ZNF835: variants seen among roughly 807,000 people sequenced by gnomAD.
ZNF835 encodes zinc finger protein 835.
For missense variants in ZNF835, 783 were observed against 758.4 expected, an observed-to-expected ratio of 1.03 and a Z score of -0.38; for synonymous variants, 323 against 324.7, an observed-to-expected ratio of 0.99 and a Z score of 0.06.
At chr19:56,667,994 G>GTTTGT (rs918959146) in intron 1 of ZNF835, among the ~76,000 whole-genome samples, 24 of 152,104 alleles carry the variant, frequency 1.6e-4, no homozygotes, top group African/African-American at 5.1e-4. Context: ...TTTTTTGTTT[G>GTTTGT]TTTGTTTTGT....
At chr19:56,670,971 A>G (rs956437123) in intron 1 of ZNF835, among the ~76,000 whole-genome samples, 14 of 152,258 alleles carry the variant, frequency 9.2e-5, no homozygotes, top group Non-Finnish European at 1.3e-4. Context: ...CGAGCACATA[A>G]CACACCGATA....
chr19:56,663,760 C>T lies in ZNF835; in HGVS notation c.1439G>A (p.Gly480Glu). ...GEKPYECSGC[G>E]KAFSFSSALI... ...CGCGGAGGAGAAGCTGAAGGCCTTC[C>T]CGCAGCCGCTGCACTCGTAGGGCTT... Residue 480 changes from glycine to glutamate, a missense_variant, in exon 2 of 2, where the codon GGG (glycine) becomes GAG (glutamate). Transcript: ENST00000537055. The T allele has an allele frequency of 6.2e-7, 1 of 1,613,918 alleles. No homozygotes were observed. Among genetic ancestry groups the T allele is most frequent in the Non-Finnish European group, 8.5e-7 (1 of 1,179,870 alleles).
In ZNF835 at chr19:56,663,618, A is replaced by C; in HGVS notation, c.1581T>G (p.Pro527=). ...CTGCTGGTCCACGCGGGTTTCTGCC[A>C]GGGCACCCCTGTTGACAGGTTTCTC... The part of the protein sequence containing the change: ...QGGETCQQGC[P]GRNPRGPAED Residue 527 remains proline, a synonymous_variant, in exon 2 of 2, where the codon CCT becomes CCG. Transcript: ENST00000537055. 6.2e-7 allele frequency: 1 copy of C among 1,614,040 alleles called. No individual in the cohort carries two copies. The highest frequency in any genetic ancestry group is 8.5e-7 in the Non-Finnish European group (1 of 1,179,898).
Position 56,664,898 on chromosome 19 carries a change from C to T in ZNF835, c.301G>A (p.Glu101Lys). 1 of 1,613,932 alleles carries T rather than the reference C, an allele frequency of 6.2e-7. No homozygotes were observed. Among genetic ancestry groups the T allele is most frequent in the South Asian group, 1.1e-5 (1 of 91,062 alleles). ...KERHPDSRQR[E>K]RGGGPKKPWK... ...GGCTTCTTGGGGCCTCCACCTCTCTCCCGCTGGCGGCTGTCAGGATGCCTC... is the reference window on the plus strand; with the variant it reads ...GGCTTCTTGGGGCCTCCACCTCTCTTCCGCTGGCGGCTGTCAGGATGCCTC... The change falls in exon 2 of 2, where the codon GAG becomes AAG. Residue 101 changes from glutamate (E) to lysine (K), a missense_variant. Glu to Lys is a moderately conservative substitution (Grantham distance 56). Coordinates refer to ENST00000537055, the MANE Select transcript of ZNF835 (RefSeq NM_001005850.3).
Position 56,665,060 on chromosome 19 carries a change from C to A in ZNF835, c.139G>T (p.Ala47Ser). 1.2e-6 allele frequency: 2 copies of A among 1,614,014 alleles called. No homozygotes were observed. Residue 47 changes from alanine (A) to serine (S), a missense_variant, in exon 2 of 2, where the codon GCT becomes TCT. Physicochemically the swap from Ala to Ser is moderately conservative, Grantham distance 99. Coordinates refer to ENST00000537055, the MANE Select transcript of ZNF835 (RefSeq NM_001005850.3). ...TCGCGTTCCTGCATGCTGTCCCCAG[C>A]AGGGTCTCCCTTGCAGGCCACGGCC... ...PEAVACKGDPAGDSMQERDEF... is the reference protein window; with the variant it reads ...PEAVACKGDPSGDSMQERDEF...
rs1038585061 is a variant in ZNF835, at chr19:56,670,428, G to A, written c.-48+1148C>T. On this transcript the variant is annotated intron_variant, in intron 1 of 1. Transcript: ENST00000537055. Reference sequence around the variant, plus strand: ...CAGAGACACCCAAACCCATATCCAGGGACACACAGTCGCCCTCCTAACCCC... The same window carrying A: ...CAGAGACACCCAAACCCATATCCAGAGACACACAGTCGCCCTCCTAACCCC... 3.9e-5 allele frequency among the ~76,000 whole-genome samples: 6 copies of A among 152,020 alleles called. No individual in the cohort carries two copies. In the East Asian group the frequency reaches 1.2e-3, roughly 29 times the overall value.
intron 1 of ZNF835, among the ~76,000 whole-genome samples, chr19:56,666,117 G>GTT (rs1555779851): frequency 8.7e-5 from 13 of 150,164 alleles, no homozygotes; most frequent in African/African-American, 3.0e-4. Context: ...CAATGGGACT[G>GTT]TTTTATTTTT....
Position 56,663,703 on chromosome 19 carries a change from C to T in ZNF835, c.1496G>A (p.Ser499Asn), listed in dbSNP as rs917684351. The T allele has an allele frequency of 6.2e-7, 1 of 1,614,022 alleles. No homozygotes were observed. Among genetic ancestry groups the T allele is most frequent in the Admixed American group, 1.7e-5 (1 of 60,032 alleles). Reference protein sequence around the residue: ...LIRHQRTHADSSGRLCPAPTP... With the variant: ...LIRHQRTHADNSGRLCPAPTP... ...GGGAGCTGGGCAAAGGCGTCCCGAACTGTCTGCATGCGTCCTCTGGTGTCG... is the reference window on the plus strand; with the variant it reads ...GGGAGCTGGGCAAAGGCGTCCCGAATTGTCTGCATGCGTCCTCTGGTGTCG... The change falls in exon 2 of 2, where the codon AGT (serine) becomes AAT (asparagine). Residue 499 changes from serine to asparagine, a missense_variant. Coordinates refer to ENST00000537055, the MANE Select transcript of ZNF835 (RefSeq NM_001005850.3).
chr19:56,665,965 C>T (rs2045241496), intron 1 of ZNF835, among the ~76,000 whole-genome samples: 1 of 152,058 alleles, frequency 6.6e-6, no homozygotes, highest in East Asian at 1.9e-4. Context: ...AAAATATGGC[C>T]CTGTAATCTG....
chr19:56,665,510 C>T (rs753825724), intron 1 of ZNF835: 4 of 600,330 alleles, frequency 6.7e-6, no homozygotes, highest in African/African-American at 1.8e-5. Context: ...GTCTCCAGGC[C>T]GGACGTGGTG....
chr19:56,666,649 GTTTTC>G (rs1446657938), intron 1 of ZNF835, among the ~76,000 whole-genome samples: 1 of 152,198 alleles, frequency 6.6e-6, no homozygotes, highest in East Asian at 1.9e-4. Context: ...TGGAAAGACA[GTTTTC>G]TTTTCTGGGG....
chr19:56,670,525 C>T (rs1289929391), intron 1 of ZNF835, among the ~76,000 whole-genome samples: 1 of 152,086 alleles, frequency 6.6e-6, no homozygotes, highest in Non-Finnish European at 1.5e-5. Context: ...CCCGGGCACA[C>T]GTAGCTACAC....
intron 1 of ZNF835, among the ~76,000 whole-genome samples, chr19:56,666,802 C>T (rs2045250183): frequency 6.6e-6 from 1 of 152,120 alleles, no homozygotes; most frequent in Non-Finnish European, 1.5e-5. Context: ...CTCACTTACT[C>T]TCTGCTCTCT....
At position 56,665,034 on chromosome 19, in the gene ZNF835, A is replaced by T. The variant is rs1470723761; in HGVS notation, c.165T>A (p.Asp55Glu). The stretch of plus-strand genomic sequence containing the variant: ...TGGTTCTTGGGATTCGGCTGAATTC[A>T]TCGCGTTCCTGCATGCTGTCCCCAG... ...DPAGDSMQER[D>E]EFSRIPRTIS... The change falls in exon 2 of 2, where the codon GAT (aspartate) becomes GAA (glutamate). Residue 55 changes from aspartate (D) to glutamate (E), a missense_variant. By Grantham distance (45) the Asp-to-Glu change is conservative (BLOSUM62 2). Transcript: ENST00000537055. 1 of 1,613,926 alleles carries T rather than the reference A, an allele frequency of 6.2e-7. No homozygotes were observed. Among genetic ancestry groups the T allele is most frequent in the Admixed American group, 1.7e-5 (1 of 60,012 alleles).
chr19:56,664,318 G>T lies in ZNF835; in HGVS notation c.881C>A (p.Thr294Asn). The part of the protein sequence containing the change: ...AKAFAQIAHL[T>N]QHRRVHTGEK... ...GCCCGTGTGCACGCGCCGGTGCTGGGTCAGGTGCGCGATCTGCGCGAAGGC... is the reference window on the plus strand; with the variant it reads ...GCCCGTGTGCACGCGCCGGTGCTGGTTCAGGTGCGCGATCTGCGCGAAGGC... The change falls in exon 2 of 2, where the codon ACC (threonine) becomes AAC (asparagine). Residue 294 changes from threonine to asparagine, a missense_variant. Physicochemically the swap from Thr to Asn is moderately conservative, Grantham distance 65. Transcript: ENST00000537055. 1 of 1,605,542 alleles carries T rather than the reference G, an allele frequency of 6.2e-7. No homozygotes were observed. Among genetic ancestry groups the T allele is most frequent in the Non-Finnish European group, 8.5e-7 (1 of 1,176,154 alleles).
Position 56,665,024 on chromosome 19 carries a change from G to A in ZNF835, c.175C>T (p.Arg59Ter), listed in dbSNP as rs2045233272. 6.2e-7 allele frequency: 1 copy of A among 1,614,022 alleles called. No homozygotes were observed. The highest frequency in any genetic ancestry group is 8.5e-7 in the Non-Finnish European group (1 of 1,179,894). ...DSMQERDEFS[R>*]IPRTISSPAA... Reference sequence around the variant, plus strand: ...GGGCTCGATATGGTTCTTGGGATTCGGCTGAATTCATCGCGTTCCTGCATG... The same window carrying A: ...GGGCTCGATATGGTTCTTGGGATTCAGCTGAATTCATCGCGTTCCTGCATG... Residue 59 changes from arginine to a stop codon, truncating the protein, a stop_gained, in exon 2 of 2, where the codon CGA (arginine) becomes TGA (stop). Transcript: ENST00000537055. LOFTEE classifies it low-confidence loss of function (END_TRUNC).
intron 1 of ZNF835, among the ~76,000 whole-genome samples, chr19:56,666,423 TAAG>T (rs1475106851): frequency 2.0e-5 from 3 of 152,100 alleles, no homozygotes; most frequent in Non-Finnish European, 4.4e-5. Flanking sequence ...AATGTTTTGA[TAAG>T]AAGAGGAAGC....
chr19:56,663,840 C>CT lies in ZNF835; in HGVS notation c.1358dup (p.Ala454GlyfsTer57). 1.9e-6 allele frequency: 3 copies of CT among 1,613,786 alleles called. No homozygotes were observed. Among genetic ancestry groups the CT allele is most frequent in the Non-Finnish European group, 2.5e-6 (3 of 1,179,962 alleles). On this transcript the variant is annotated frameshift_variant, in exon 2 of 2. Coordinates refer to ENST00000537055, the MANE Select transcript of ZNF835 (RefSeq NM_001005850.3). LOFTEE classifies it low-confidence loss of function (END_TRUNC). Reference sequence around the variant, plus strand: ...TCAGGTAGGAGCGGTTGCTGAAGGCCTTGCCGCACTCGGGGCAGGTGTAGG... The same window carrying CT: ...TCAGGTAGGAGCGGTTGCTGAAGGCCTTTGCCGCACTCGGGGCAGGTGTAGG...
Position 56,663,414 on chromosome 19 carries a change from A to C in ZNF835, c.*171T>G. 1.1e-6 allele frequency: 1 copy of C among 904,518 alleles called. No homozygotes were observed. Among genetic ancestry groups the C allele is most frequent in the Non-Finnish European group, 1.6e-6 (1 of 606,584 alleles). The allele number at this position is 904,518 out of a possible 1,614,324, so 56.0% of individuals were successfully genotyped here. On this transcript the variant is annotated 3_prime_UTR_variant, in exon 2 of 2. Transcript: ENST00000537055. ...TATAATTTTGCACCAGGAAGACCGCAGGGGAGTCTGGCAGATGTGAGGTAC... is the reference window on the plus strand; with the variant it reads ...TATAATTTTGCACCAGGAAGACCGCCGGGGAGTCTGGCAGATGTGAGGTAC...
Sources: gnomAD v4.1 joint callset for allele counts (sites outside exome capture counted in the v4.1 genomes callset) on GRCh38, gnomAD v4.1.1 for gene constraint, MANE v1.5 for transcripts, NCBI Gene and HGNC (gene_info 2026-07-23, HGNC 2026-07-21) for gene names.